Variants in SLF1 observed in about 807,000 individuals in gnomAD.
SLF1 encodes the protein SMC5-SMC6 complex localization factor protein 1.
A neutral mutation model predicts 123.0 loss-of-function variants in SLF1; 105 were observed. The observed-to-expected ratio is 0.85, with a 90% CI of 0.73 to 1.00. SLF1 has a LOEUF of 1.00. Ranked by LOEUF, SLF1 falls within the 50% of genes least tolerant of loss-of-function variation. The pLI is 0.00. For synonymous variants in SLF1, 434 were observed against 406.6 expected, an observed-to-expected ratio of 1.07 and a Z score of -0.81; for missense variants, 1,239 against 1,223.0, an observed-to-expected ratio of 1.01 and a Z score of -0.20.
chr5:94,627,601 T>TATATATACATATATATATATATATATAC (rs1554061285), intron 1 of SLF1, among the ~76,000 whole-genome samples: 1 of 134,462 alleles, frequency 7.4e-6, no homozygotes, highest in African/African-American at 2.9e-5. Context: ...TATATATATA[T>TATATATACATATATATATATATATATAC]ATATATATAT....
intron 14 of SLF1, among the ~76,000 whole-genome samples, chr5:94,671,913 G>C (rs542603097): frequency 1.3e-5 from 2 of 151,894 alleles, no homozygotes; most frequent in Admixed American, 1.3e-4. Context: ...TTGTTTGGCT[G>C]TGCTTTTTTT....
At position 94,649,302 on chromosome 5, in the gene SLF1, A is replaced by G. The variant is rs1302854750; in HGVS notation, c.595-152A>G. The stretch of plus-strand genomic sequence containing the variant: ...ATGATTTTTTCCCTGAAAGATTTTT[A>G]TCAGTGTTTAACATCCTTTGATTTA... On this transcript the variant is annotated intron_variant, in intron 5 of 20. Transcript: ENST00000265140. 3.3e-5 allele frequency among the ~76,000 whole-genome samples: 5 copies of G among 152,290 alleles called. 1 individual carries two copies. Among genetic ancestry groups the G allele is most frequent in the Admixed American group, 2.6e-4 (4 of 15,290 alleles).
intron 4 of SLF1, among the ~76,000 whole-genome samples, chr5:94,637,353 G>T (rs1039478106): frequency 6.6e-6 from 1 of 152,124 alleles, no homozygotes; most frequent in Non-Finnish European, 1.5e-5. Flanking sequence ...TTGGAGAGGG[G>T]ATTGTGCTGG....
intron 20 of SLF1, among the ~76,000 whole-genome samples, chr5:94,694,308 CCAGTTA>C (rs1303231332): frequency 6.6e-6 from 1 of 151,804 alleles, no homozygotes; most frequent in Non-Finnish European, 1.5e-5. Flanking sequence ...TTTGTGTGAA[CCAGTTA>C]CCTGTACTAA....
chr5:94,687,197 G>A (rs34074526), intron 16 of SLF1, among the ~76,000 whole-genome samples: 6 of 152,184 alleles, frequency 3.9e-5, no homozygotes, highest in African/African-American at 4.8e-5. Context: ...GCCAGCGGCC[G>A]TGCTGAGTGC....
At chr5:94,694,687 G>T in intron 20 of SLF1, 144 bp from the exon 21 acceptor site, 1 of 1,049,324 alleles carries the variant, frequency 9.5e-7, no homozygotes, top group East Asian at 2.7e-5. Context: ...TATATATATA[G>T]TCAGTTAATT....
chr5:94,679,706 A>T, intron 15 of SLF1, among the ~76,000 whole-genome samples: 1 of 152,118 alleles, frequency 6.6e-6, no homozygotes, highest in East Asian at 1.9e-4. Flanking sequence ...TATATGGATA[A>T]TTTTTTTCAC....
At chr5:94,686,207 AG>A (rs1239185601) in intron 15 of SLF1, among the ~76,000 whole-genome samples, 2 of 152,232 alleles carry the variant, frequency 1.3e-5, no homozygotes, top group African/African-American at 4.8e-5. Flanking sequence ...GGTTTTCCAA[AG>A]AAGCATCCCT....
chr5:94,654,394 GAAA>G (rs11427225), intron 8 of SLF1, among the ~76,000 whole-genome samples: 7 of 106,732 alleles, frequency 6.6e-5, no homozygotes, highest in African/African-American at 2.5e-4. Context: ...AGAGTAAAAA[GAAA>G]AAAAAAAAAA....
intron 6 of SLF1, 134 bp downstream of exon 6, chr5:94,649,731 C>T (rs1747458594): frequency 1.2e-6 from 1 of 805,888 alleles, no homozygotes; most frequent in African/African-American, 1.7e-5. Context: ...TAGTCTGTGA[C>T]TTGAACATGT....
Position 94,692,154 on chromosome 5 carries a change from CCAGAGGTAGATCTGCT to C in SLF1, c.2596_2611del (p.Glu866LeufsTer6), listed in dbSNP as rs776217252. ...TGTCCAGGAAATTTTGCAACGTTGT[CCAGAGGTAGATCTGCT>C]CACTCAAGTGGACGGGGTGACTCCT... is the stretch of plus-strand genomic sequence containing the variant. On this transcript the variant is annotated frameshift_variant, in exon 20 of 21. Coordinates refer to ENST00000265140, the MANE Select transcript of SLF1 (RefSeq NM_032290.4). LOFTEE classifies it high-confidence loss of function. The C allele has an allele frequency of 6.2e-7, 1 of 1,613,894 alleles. No individual in the cohort carries two copies. Among genetic ancestry groups the C allele is most frequent in the African/African-American group, 1.3e-5 (1 of 75,022 alleles).
At chr5:94,621,897 CACACACACAT>C (rs1791825619) in intron 1 of SLF1, among the ~76,000 whole-genome samples, 2 of 151,718 alleles carry the variant, frequency 1.3e-5, no homozygotes, top group African/African-American at 4.9e-5. Context: ...CACACACACA[CACACACACAT>C]ACACACGTGC....
At chr5:94,653,918 C>G (rs925277616) in intron 8 of SLF1, among the ~76,000 whole-genome samples, 1 of 151,934 alleles carries the variant, frequency 6.6e-6, no homozygotes, top group African/African-American at 2.4e-5. Flanking sequence ...CACCTGTAAT[C>G]CCAGCACTCT....
rs182007762 is a variant in SLF1 at position 94,629,103 on chromosome 5, T to C, written c.126T>C (p.Asn42=). The C allele has an allele frequency of 7.3e-3, 11,212 of 1,541,018 alleles. 64 individuals carry two copies. The highest frequency in any genetic ancestry group is 0.014 in the South Asian group (1,166 of 81,266). ...ATTTTTCCCTCCAGAAATACAAAAA[T>C]TGTACACATCTTATAGCTGAACGCC... ...CTFIKSEKYK[N]CTHLIAERLC... The change falls in exon 3 of 21, where the codon AAT becomes AAC. Residue 42 remains asparagine, a synonymous_variant. Coordinates refer to ENST00000265140, the MANE Select transcript of SLF1 (RefSeq NM_032290.4).
chr5:94,651,956 T>C, intron 7 of SLF1, 111 bp downstream of exon 7: 2 of 468,656 alleles, frequency 4.3e-6, no homozygotes, highest in East Asian at 9.5e-5. Flanking sequence ...ATCCAATAGC[T>C]AGATTAAGAA....
At chr5:94,676,027 G>C (rs1751019674) in intron 14 of SLF1, among the ~76,000 whole-genome samples, 1 of 151,206 alleles carries the variant, frequency 6.6e-6, no homozygotes, top group Non-Finnish European at 1.5e-5. Context: ...CTTAAAGCCT[G>C]GGTGGTCTAA....
At chr5:94,690,015 T>C (rs944059958) in intron 18 of SLF1, among the ~76,000 whole-genome samples, 2 of 152,156 alleles carry the variant, frequency 1.3e-5, no homozygotes, top group Non-Finnish European at 2.9e-5. Flanking sequence ...GAATGAAGAG[T>C]AGGCTATGTT....
chr5:94,627,335 T>C (rs1298153969), intron 1 of SLF1, among the ~76,000 whole-genome samples: 1 of 151,968 alleles, frequency 6.6e-6, no homozygotes, highest in African/African-American at 2.4e-5. Flanking sequence ...GCTTTGCTTG[T>C]CTGTGGAAAG....
chr5:94,662,172 A>T (rs922612890), intron 9 of SLF1, 126 bp from the exon 10 acceptor site: 2 of 620,832 alleles, frequency 3.2e-6, no homozygotes, highest in Non-Finnish European at 2.5e-6. Context: ...TATGAGTATC[A>T]TATTAATTAT....
Sources: allele counts gnomAD v4.1 joint callset (sites outside exome capture counted in the v4.1 genomes callset), GRCh38; gene constraint gnomAD v4.1.1; transcripts MANE v1.5; gene names NCBI Gene and HGNC (gene_info 2026-07-23, HGNC 2026-07-21).